The following MTERF4 variants were observed in gnomAD, a reference collection of about 807,000 sequenced individuals.
MTERF4 encodes mitochondrial transcription termination factor 4, also known as transcription termination factor 4, mitochondrial.
A neutral mutation model predicts 22.5 loss-of-function variants in MTERF4; 17 were observed. The ratio of observed to expected loss-of-function variants is 0.75; its 90% CI spans 0.52 to 1.13. The LOEUF is 1.13. MTERF4 is among the 50% of genes most tolerant of loss of function. MTERF4 has a pLI of 0.00. For synonymous variants in MTERF4, 165 were observed against 175.3 expected (o/e 0.94, Z 0.47); for missense variants, 420 against 466.8 (o/e 0.90, Z 0.92).
the MTERF4 span, chr2:241,048,690 C>T: frequency 5.0e-6 from 8 of 1,612,140 alleles, no homozygotes; most frequent in Admixed American, 1.7e-5. Context: ...AGTGCCGCAA[C>T]GGAGGCAGAT....
downstream of MTERF4, chr2:241,068,903 G>A: frequency 6.5e-7 from 1 of 1,541,498 alleles, no homozygotes; most frequent in Non-Finnish European, 8.8e-7. This position sits in a 1 kb window ranked among gnomAD's most constrained non-coding sequence, Gnocchi z 5.3. Context: ...GTCACCTCCT[G>A]CCCACAGGGC....
At chr2:241,082,414 AC>A (rs113570153), downstream of MTERF4, 4,342 of 1,452,430 alleles carry the variant, frequency 3.0e-3, 16 homozygotes, top group African/African-American at 0.017. Context: ...TGTGTTCTTG[AC>A]TCCTCAAAGT....
the MTERF4 span, among the ~76,000 whole-genome samples, chr2:241,042,650 GA>G: frequency 0.029 from 4,400 of 152,082 alleles, 125 homozygotes; most frequent in East Asian, 0.1. Flanking sequence ...TTGTTGAGGG[GA>G]AAAAAACCTA....
downstream of MTERF4, chr2:241,094,363 G>A (rs372510670): frequency 6.4e-6 from 3 of 470,870 alleles, no homozygotes; most frequent in Admixed American, 7.0e-5. This position sits in a 1 kb window ranked among gnomAD's most constrained non-coding sequence, Gnocchi z 4.3. Flanking sequence ...TGTGGACGGA[G>A]TCACCGAGCT....
chr2:241,100,012 A>G (rs759628122), intron 1 of MTERF4, 118 bp from the exon 2 acceptor site: 12 of 1,292,972 alleles, frequency 9.3e-6, no homozygotes, highest in Non-Finnish European at 1.2e-5. Flanking sequence ...TACAATTTTT[A>G]TAAGCAATCT....
the MTERF4 span, among the ~76,000 whole-genome samples, chr2:241,064,284 G>A: frequency 1.3e-4 from 20 of 151,524 alleles, no homozygotes; most frequent in Non-Finnish European, 2.1e-4. The surrounding 1 kb of genome is among the most constrained non-coding windows in gnomAD (Gnocchi z 7.0). Context: ...CAGGCCAGTG[G>A]CCCTCCGCCT....
the MTERF4 span, among the ~76,000 whole-genome samples, chr2:241,056,923 G>C: frequency 6.6e-6 from 1 of 152,132 alleles, no homozygotes; most frequent in Non-Finnish European, 1.5e-5. Context: ...AGATCTGTGG[G>C]ACAATATCAA....
chr2:241,096,641 G>T lies in MTERF4; in HGVS notation c.706-203C>A. 2.8e-6 allele frequency: 2 copies of T among 706,824 alleles called. No homozygotes were observed. Among genetic ancestry groups the T allele is most frequent in the Non-Finnish European group, 2.6e-6 (1 of 382,702 alleles). The allele number at this position is 706,824 out of a possible 1,614,324, so 43.8% of individuals were successfully genotyped here. ...TTTCAAATTCATCCTGAGAAACATG[G>T]AGCAGGAAATAAAGGGGTGGGAGGG... On this transcript the variant is annotated intron_variant, in intron 3 of 3. Transcript: ENST00000391980. The surrounding 1 kb of genome is among the most constrained non-coding windows in gnomAD (Gnocchi z 5.1).
At chr2:241,079,406 C>A (rs1575104102) in intron 4 of MTERF4, among the ~76,000 whole-genome samples, 1 of 141,678 alleles carries the variant, frequency 7.1e-6, no homozygotes, top group African/African-American at 2.7e-5. Context: ...AGTGAGACTC[C>A]ATCTCAAAAA....
In MTERF4 at chr2:241,097,261, T is replaced by G; in HGVS notation, c.687A>C (p.Gln229His). 1 of 1,614,056 alleles carries G rather than the reference T, an allele frequency of 6.2e-7. No individual in the cohort carries two copies. Among genetic ancestry groups the G allele is most frequent in the Non-Finnish European group, 8.5e-7 (1 of 1,179,966 alleles). ...TTCTCACCTGAAACTTGTATTCCAGTTGACCCAGGTCCTCTCGAAGAACAG... is the reference window on the plus strand; with the variant it reads ...TTCTCACCTGAAACTTGTATTCCAGGTGACCCAGGTCCTCTCGAAGAACAG... ...CPSVLREDLGQLEYKFQYAYF... is the reference protein window; with the variant it reads ...CPSVLREDLGHLEYKFQYAYF... Residue 229 changes from glutamine (Q) to histidine (H), a missense_variant, in exon 3 of 4, where the codon CAA (glutamine) becomes CAC (histidine). By Grantham distance (24) the Gln-to-His change is conservative. Coordinates refer to ENST00000391980, the MANE Select transcript of MTERF4 (RefSeq NM_182501.4).
the MTERF4 span, among the ~76,000 whole-genome samples, chr2:241,061,854 C>A: frequency 0.049 from 5,824 of 117,998 alleles, 368 homozygotes; most frequent in African/African-American, 0.16. Context: ...TCCATCCCCC[C>A]AAAAAAAAAA....
At chr2:241,088,010 G>A (rs998875507), downstream of MTERF4, 13 of 390,012 alleles carry the variant, frequency 3.3e-5, no homozygotes, top group Middle Eastern at 6.6e-4. Context: ...CCAAGTGTCC[G>A]GGCAAGGCCG....
intron 4 of MTERF4, among the ~76,000 whole-genome samples, chr2:241,080,122 T>C (rs986547770): frequency 6.6e-6 from 1 of 151,918 alleles, no homozygotes. Flanking sequence ...CCGTCTCTAC[T>C]AAAATACAAA....
chr2:241,049,999 T>G, the MTERF4 span: 16 of 1,130,168 alleles, frequency 1.4e-5, no homozygotes, highest in Middle Eastern at 3.9e-4. Context: ...TCCGCCGTCC[T>G]GCTTCTCTGC....
the MTERF4 span, chr2:241,051,823 C>G: frequency 6.4e-7 from 1 of 1,562,110 alleles, no homozygotes; most frequent in Non-Finnish European, 8.7e-7. This position sits in a 1 kb window ranked among gnomAD's most constrained non-coding sequence, Gnocchi z 4.7. Context: ...ACCACTGCAG[C>G]TGCCCCTACC....
At chr2:241,048,952 C>G in the MTERF4 span, 2 of 1,422,132 alleles carry the variant, frequency 1.4e-6, no homozygotes, top group South Asian at 2.5e-5. Context: ...AGGCCCCATC[C>G]TTGACAAGGA....
At chr2:241,069,705 G>A (rs1382980930), downstream of MTERF4, among the ~76,000 whole-genome samples, 2 of 152,136 alleles carry the variant, frequency 1.3e-5, no homozygotes, top group South Asian at 2.1e-4. This position sits in a 1 kb window ranked among gnomAD's most constrained non-coding sequence, Gnocchi z 4.9. Context: ...CTAACCCGAG[G>A]GGAGGGTGGC....
chr2:241,068,224 CTT>C (rs1355615551), downstream of MTERF4, among the ~76,000 whole-genome samples: 1 of 152,184 alleles, frequency 6.6e-6, no homozygotes, highest in Non-Finnish European at 1.5e-5. This position sits in a 1 kb window ranked among gnomAD's most constrained non-coding sequence, Gnocchi z 5.3. Flanking sequence ...CGGGGGCACA[CTT>C]TCCACACAGA....
chr2:241,064,247 T>C, the MTERF4 span: 1 of 653,194 alleles, frequency 1.5e-6, no homozygotes, highest in Non-Finnish European at 2.5e-6. The surrounding 1 kb of genome is among the most constrained non-coding windows in gnomAD (Gnocchi z 7.0). Context: ...CCCCGCCCTC[T>C]GCCCGCCGCC....
Sources: allele counts gnomAD v4.1 joint callset (sites outside exome capture counted in the v4.1 genomes callset), GRCh38; gene constraint gnomAD v4.1.1; non-coding constraint Gnocchi (gnomAD v3.1); transcripts MANE v1.5; gene names NCBI Gene and HGNC (gene_info 2026-07-23, HGNC 2026-07-21).